The following EPHB1 variants were observed in gnomAD, a reference collection of about 807,000 sequenced individuals.
EPHB1 encodes EPH receptor B1, also known as ephrin type-B receptor 1.
EPHB1 carries 30 observed loss-of-function variants against 94.4 expected under a neutral mutation model. That is an observed-to-expected ratio of 0.32 (90% CI 0.24 to 0.43). The LOEUF is 0.43. EPHB1 is among the 20% of genes least tolerant of loss of function. The probability of loss-of-function intolerance (pLI) is 1.00; values close to 1 mark genes in which losing one functional copy is unlikely to be tolerated. For missense variants in EPHB1, 1,055 were observed against 1,308.3 expected (o/e 0.81, Z 2.99); for synonymous variants, 522 against 489.1 (o/e 1.07, Z -0.89).
intron 3 of EPHB1, among the ~76,000 whole-genome samples, chr3:135,057,856 G>T (rs1366946956): frequency 6.6e-6 from 1 of 152,218 alleles, no homozygotes; most frequent in Non-Finnish European, 1.5e-5. Flanking sequence ...CACCTGCTCA[G>T]GCCATTGTGG....
chr3:135,085,995 A>G (rs539775456), intron 3 of EPHB1, among the ~76,000 whole-genome samples: 1 of 152,256 alleles, frequency 6.6e-6, no homozygotes, highest in East Asian at 1.9e-4. Context: ...TCCCCAGGAG[A>G]AAGGCGTCAG....
chr3:135,171,311 T>A (rs1466169273), intron 9 of EPHB1, among the ~76,000 whole-genome samples: 1 of 152,246 alleles, frequency 6.6e-6, no homozygotes, highest in African/African-American at 2.4e-5. Flanking sequence ...AAGTGGATAC[T>A]GAGCTTGTCT....
At chr3:134,832,841 C>T (rs1409333958) in intron 1 of EPHB1, among the ~76,000 whole-genome samples, 1 of 152,212 alleles carries the variant, frequency 6.6e-6, no homozygotes, top group Non-Finnish European at 1.5e-5. Flanking sequence ...CAGAGAACCA[C>T]AAATAATTGA....
chr3:134,963,135 C>CTCCTTCCTTCCTTCCTTCCTTCCTTCCT (rs59384593), intron 3 of EPHB1, among the ~76,000 whole-genome samples: 7 of 137,080 alleles, frequency 5.1e-5, no homozygotes, highest in South Asian at 2.7e-4. Context: ...CCTTCTCTTG[C>CTCCTTCCTTCCTTCCTTCCTTCCTTCCT]TCCTTCCTTC....
chr3:135,232,902 T>A (rs1257372386), intron 12 of EPHB1, among the ~76,000 whole-genome samples: 1 of 152,174 alleles, frequency 6.6e-6, no homozygotes, highest in Non-Finnish European at 1.5e-5. Flanking sequence ...TCAGATCTTA[T>A]GAGAACTCAC....
chr3:135,187,766 G>C (rs772036413), intron 10 of EPHB1, among the ~76,000 whole-genome samples: 4 of 152,066 alleles, frequency 2.6e-5, no homozygotes, highest in Non-Finnish European at 5.9e-5. Context: ...CATGTCCCCT[G>C]GCAAAAAGCT....
At chr3:134,941,088 A>G (rs1241699613) in intron 2 of EPHB1, among the ~76,000 whole-genome samples, 1 of 152,156 alleles carries the variant, frequency 6.6e-6, no homozygotes, top group African/African-American at 2.4e-5. Flanking sequence ...TGGAGGTTAT[A>G]ATGATGCAGC....
chr3:135,116,975 G>A (rs1040359102), intron 4 of EPHB1, among the ~76,000 whole-genome samples: 4 of 152,198 alleles, frequency 2.6e-5, no homozygotes, highest in African/African-American at 9.6e-5. Context: ...ACACATCACT[G>A]ATGGCTTCAC....
chr3:134,806,723 T>A (rs2036048194), intron 1 of EPHB1, among the ~76,000 whole-genome samples: 1 of 152,162 alleles, frequency 6.6e-6, no homozygotes, highest in South Asian at 2.1e-4. Flanking sequence ...ATTCAACACT[T>A]AATAACAAAT....
chr3:135,154,288 C>A lies in EPHB1; in HGVS notation c.1422+12C>A. The A allele has an allele frequency of 6.2e-7, 1 of 1,613,812 alleles. No homozygotes were observed. Among genetic ancestry groups the A allele is most frequent in the South Asian group, 1.1e-5 (1 of 91,052 alleles). ...GGTACTATGAGAAGGTGAGCCAGCT[C>A]TACCTGCAAGCTTGCAAGACCCAAG... On this transcript the variant is annotated intron_variant, in intron 6 of 15. Transcript: ENST00000398015.
chr3:135,206,140 A>T (rs1576468534), intron 12 of EPHB1, among the ~76,000 whole-genome samples: 1 of 152,260 alleles, frequency 6.6e-6, no homozygotes. Flanking sequence ...GCTTTTTTGC[A>T]TCTGGTTGCT....
At chr3:135,218,482 T>C (rs1352237596) in intron 12 of EPHB1, among the ~76,000 whole-genome samples, 1 of 152,240 alleles carries the variant, frequency 6.6e-6, no homozygotes, top group African/African-American at 2.4e-5. Context: ...TTTCAGAGCC[T>C]GAGCCAGCAT....
intron 10 of EPHB1, among the ~76,000 whole-genome samples, chr3:135,190,405 A>G (rs1942424541): frequency 6.6e-6 from 1 of 152,206 alleles, no homozygotes; most frequent in Non-Finnish European, 1.5e-5. Context: ...ATACTAACCA[A>G]TATTCTTCCA....
At chr3:134,948,338 A>T (rs2107713359) in intron 2 of EPHB1, among the ~76,000 whole-genome samples, 1 of 152,052 alleles carries the variant, frequency 6.6e-6, no homozygotes, top group South Asian at 2.1e-4. Flanking sequence ...GTAAAAAAAA[A>T]AAAAAATTTC....
rs967317783 is a variant in EPHB1 at position 135,201,664 on chromosome 3, C to T, written c.2321C>T (p.Ser774Leu). ...TCCCGCTACCTCCAGGATGACACCT[C>T]AGATCCCACCTACACCAGCTCCTTG... Reference protein sequence around the residue: ...GLSRYLQDDTSDPTYTSSLGG... With the variant: ...GLSRYLQDDTLDPTYTSSLGG... Residue 774 changes from serine (S) to leucine (L), a missense_variant, in exon 12 of 16, where the codon TCA (serine) becomes TTA (leucine). By Grantham distance (145) the Ser-to-Leu change is moderately radical. Transcript: ENST00000398015. 1.9e-5 allele frequency: 31 copies of T among 1,613,854 alleles called. No individual in the cohort carries two copies. The highest frequency in any genetic ancestry group is 8.3e-5 in the Admixed American group (5 of 59,990).
chr3:134,968,441 A>C (rs776874335), intron 3 of EPHB1, among the ~76,000 whole-genome samples: 1 of 152,228 alleles, frequency 6.6e-6, no homozygotes, highest in Non-Finnish European at 1.5e-5. Flanking sequence ...AAAATATTTT[A>C]AAGTAAATTC....
At chr3:135,113,099 A>G (rs1277943031) in intron 4 of EPHB1, among the ~76,000 whole-genome samples, 2 of 152,214 alleles carry the variant, frequency 1.3e-5, no homozygotes, top group African/African-American at 4.8e-5. Context: ...TGAACTTCAG[A>G]CAAAGGTCAA....
At chr3:135,041,332 G>A (rs1419115923) in intron 3 of EPHB1, among the ~76,000 whole-genome samples, 1 of 152,186 alleles carries the variant, frequency 6.6e-6, no homozygotes, top group African/African-American at 2.4e-5. Flanking sequence ...GGGATGCTGG[G>A]AGGCACAGTG....
rs139584839 is a variant in EPHB1 at position 135,100,887 on chromosome 3, G to A, written c.806-5561G>A. Among the ~76,000 whole-genome samples, 7 of 152,272 alleles carry A rather than the reference G, an allele frequency of 4.6e-5. No individual in the cohort carries two copies. The East Asian group carries it at 1.2e-3, about 25-fold the overall frequency. On this transcript the variant is annotated intron_variant, in intron 3 of 15. Coordinates refer to ENST00000398015, the MANE Select transcript of EPHB1 (RefSeq NM_004441.5). ...GGAAAATATATACACGTTTAGGCAT[G>A]GGGTGCTCAGATCTTGTCTCCTCCC...
Sources: allele counts gnomAD v4.1 joint callset (sites outside exome capture counted in the v4.1 genomes callset), GRCh38; gene constraint gnomAD v4.1.1; transcripts MANE v1.5; gene names NCBI Gene and HGNC (gene_info 2026-07-23, HGNC 2026-07-21).